Variants in RRAGC observed in about 807,000 individuals in gnomAD.
RRAGC encodes Ras related GTP binding C, also known as ras-related GTP-binding protein C.
A neutral mutation model predicts 37.1 loss-of-function variants in RRAGC; 8 were observed. That is an observed-to-expected ratio of 0.22 (90% CI 0.13 to 0.39). The LOEUF is 0.39. RRAGC is among the 10% of genes least tolerant of loss of function. The probability of loss-of-function intolerance (pLI) is 1.00; values close to 1 mark genes in which losing one functional copy is unlikely to be tolerated. For missense variants in RRAGC, 342 were observed against 497.6 expected, an observed-to-expected ratio of 0.69 and a Z score of 2.98; for synonymous variants, 190 against 181.1, an observed-to-expected ratio of 1.05 and a Z score of -0.39.
intron 2 of RRAGC, chr1:38,856,620 T>A: frequency 3.1e-6 from 1 of 318,796 alleles, no homozygotes. Flanking sequence ...TGGCAACCAA[T>A]AAAAGTGGAA....
At chr1:38,850,919 C>A (rs1371177452) in intron 5 of RRAGC, among the ~76,000 whole-genome samples, 1 of 152,086 alleles carries the variant, frequency 6.6e-6, no homozygotes, top group East Asian at 1.9e-4. Flanking sequence ...ATCCTCTCAC[C>A]CCAGGCTTCC....
At chr1:38,843,366 C>A (rs115651987) in intron 6 of RRAGC, among the ~76,000 whole-genome samples, 1,911 of 151,776 alleles carry the variant, frequency 0.013, 33 homozygotes, top group African/African-American at 0.044. Flanking sequence ...AGTTCTTAAG[C>A]TGAAAGGTGA....
intron 4 of RRAGC, among the ~76,000 whole-genome samples, chr1:38,852,039 C>T (rs796841394): frequency 1.2e-4 from 19 of 152,242 alleles, no homozygotes; most frequent in African/African-American, 4.6e-4. Flanking sequence ...AAAAATTTAA[C>T]AAAAATCTCT....
At chr1:38,849,351 C>A (rs1223249899) in intron 5 of RRAGC, among the ~76,000 whole-genome samples, 1 of 152,142 alleles carries the variant, frequency 6.6e-6, no homozygotes, top group Non-Finnish European at 1.5e-5. Flanking sequence ...GTGGACACTA[C>A]CACATCCAGC....
chr1:38,844,143 T>C (rs927071278), intron 6 of RRAGC, among the ~76,000 whole-genome samples: 2 of 152,086 alleles, frequency 1.3e-5, no homozygotes, highest in African/African-American at 4.8e-5. Context: ...CTACAAGGTA[T>C]CTACACTTGG....
At chr1:38,849,061 T>C (rs987471796) in intron 5 of RRAGC, among the ~76,000 whole-genome samples, 16 of 151,056 alleles carry the variant, frequency 1.1e-4, no homozygotes, top group Non-Finnish European at 1.8e-4. Context: ...GAGCTGTCAT[T>C]GTACCACTAC....
intron 6 of RRAGC, among the ~76,000 whole-genome samples, chr1:38,840,043 G>C (rs912162565): frequency 2.6e-5 from 4 of 151,648 alleles, no homozygotes; most frequent in African/African-American, 9.7e-5. Flanking sequence ...AGCTACTCAG[G>C]AGGCTGAGGC....
intron 6 of RRAGC, among the ~76,000 whole-genome samples, chr1:38,843,805 TATAAA>T (rs1388126070): frequency 1.3e-5 from 2 of 151,598 alleles, no homozygotes; most frequent in Non-Finnish European, 2.9e-5. Flanking sequence ...AGTTAAATAA[TATAAA>T]ATAAATTTTC....
intron 6 of RRAGC, among the ~76,000 whole-genome samples, chr1:38,844,667 T>C (rs1019721716): frequency 6.6e-6 from 1 of 152,074 alleles, no homozygotes; most frequent in Non-Finnish European, 1.5e-5. Flanking sequence ...AAAAGTCTAG[T>C]TTCTATCATC....
Position 38,856,835 on chromosome 1 carries a change from T to A in RRAGC, c.441+44A>T, listed in dbSNP as rs775783255. On this transcript the variant is annotated intron_variant, in intron 2 of 6. Coordinates refer to ENST00000373001, the MANE Select transcript of RRAGC (RefSeq NM_022157.4). ...TAAACAACTTTCCTTTGTTTCTACA[T>A]CTTTTTCCCACCAGGAAAGAGGAGT... is the stretch of plus-strand genomic sequence containing the variant. 8 of 1,574,492 alleles carry A rather than the reference T, an allele frequency of 5.1e-6. No individual in the cohort carries two copies. In the South Asian group the frequency reaches 8.9e-5, roughly 18 times the overall value.
intron 5 of RRAGC, 175 bp from the exon 6 acceptor site, chr1:38,846,262 G>A (rs1642026297): frequency 1.8e-6 from 1 of 547,328 alleles, no homozygotes; most frequent in African/African-American, 2.0e-5. Context: ...CAGAATTTCA[G>A]GGATACCTAT....
intron 1 of RRAGC, 28 bp downstream of exon 1, chr1:38,859,382 G>A (rs1017426578): frequency 1.2e-5 from 19 of 1,538,678 alleles, no homozygotes; most frequent in Non-Finnish European, 1.7e-5. Flanking sequence ...CGGGGAGGGG[G>A]CGGGGGACTG....
chr1:38,844,417 G>C (rs1642004212), intron 6 of RRAGC, among the ~76,000 whole-genome samples: 1 of 136,836 alleles, frequency 7.3e-6, no homozygotes, highest in African/African-American at 2.7e-5. Context: ...TACGCAAGCA[G>C]AAAGACTTGG....
intron 1 of RRAGC, among the ~76,000 whole-genome samples, chr1:38,857,438 G>C (rs1194329861): frequency 6.6e-6 from 1 of 152,168 alleles, no homozygotes; most frequent in Non-Finnish European, 1.5e-5. Flanking sequence ...TACAGCTAAA[G>C]CTTAAGAAGT....
Position 38,838,858 on chromosome 1 carries a change from C to G in RRAGC, c.*695G>C, listed in dbSNP as rs1011892165. On this transcript the variant is annotated 3_prime_UTR_variant, in exon 7 of 7. Transcript: ENST00000373001. ...CATTTATCTAATGCAGAAGAAAGAA[C>G]CCAGACATCTGGTACTCAGAACATA... 2 of 151,952 alleles carry G rather than the reference C, an allele frequency of 1.3e-5. No homozygotes were observed. The highest frequency in any genetic ancestry group is 4.2e-4 in the South Asian group (2 of 4,798). The allele number at this position is 151,952 out of a possible 1,614,324, so 9.4% of individuals were successfully genotyped here.
chr1:38,843,964 A>T (rs762237417), intron 6 of RRAGC, among the ~76,000 whole-genome samples: 1 of 152,210 alleles, frequency 6.6e-6, no homozygotes, highest in Non-Finnish European at 1.5e-5. Context: ...AATCACTGAC[A>T]GTGAAAATGG....
At chr1:38,843,443 G>A (rs561613139) in intron 6 of RRAGC, among the ~76,000 whole-genome samples, 11 of 152,176 alleles carry the variant, frequency 7.2e-5, no homozygotes, top group Non-Finnish European at 1.5e-4. Context: ...AATTCAGGCC[G>A]GGCGCAGTGG....
At chr1:38,851,059 T>C (rs1642095807) in intron 5 of RRAGC, among the ~76,000 whole-genome samples, 1 of 152,254 alleles carries the variant, frequency 6.6e-6, no homozygotes, top group South Asian at 2.1e-4. Flanking sequence ...CTGGCTTTCA[T>C]AAATTTCTAT....
chr1:38,845,411 T>C (rs1642016273), intron 6 of RRAGC, among the ~76,000 whole-genome samples: 1 of 151,734 alleles, frequency 6.6e-6, no homozygotes, highest in Non-Finnish European at 1.5e-5. Context: ...CACTCATAAG[T>C]AGGGAGCTGA....
Sources: allele counts gnomAD v4.1 joint callset (sites outside exome capture counted in the v4.1 genomes callset), GRCh38; gene constraint gnomAD v4.1.1; transcripts MANE v1.5; gene names NCBI Gene and HGNC (gene_info 2026-07-23, HGNC 2026-07-21).